The following NDNF variants were observed in gnomAD, a reference collection of about 807,000 sequenced individuals.
NDNF encodes the protein protein NDNF.
A neutral mutation model predicts 42.0 loss-of-function variants in NDNF; 16 were observed. That is an observed-to-expected ratio of 0.38 (90% CI 0.26 to 0.58). The LOEUF is 0.58. NDNF is among the 20% of genes least tolerant of loss of function. The probability of loss-of-function intolerance (pLI) is 0.67; values close to 1 mark genes in which losing one functional copy is unlikely to be tolerated. For synonymous variants in NDNF, 248 were observed against 251.7 expected, an observed-to-expected ratio of 0.99 and a Z score of 0.14; for missense variants, 616 against 666.2, an observed-to-expected ratio of 0.92 and a Z score of 0.83.
At chr4:121,044,076 G>C (rs1579311752) in intron 2 of NDNF, among the ~76,000 whole-genome samples, 1 of 152,152 alleles carries the variant, frequency 6.6e-6, no homozygotes, top group African/African-American at 2.4e-5. Context: ...TCAGTTACTA[G>C]TCTAGTGTGT....
At chr4:121,041,019 C>T (rs2148763901) in intron 2 of NDNF, among the ~76,000 whole-genome samples, 1 of 152,286 alleles carries the variant, frequency 6.6e-6, no homozygotes. Context: ...AGCACTGTGT[C>T]AGTCAGTAGA....
intron 1 of NDNF, among the ~76,000 whole-genome samples, chr4:121,052,713 A>G (rs1383522618): frequency 2.0e-5 from 3 of 152,222 alleles, no homozygotes; most frequent in African/African-American, 7.2e-5. Flanking sequence ...TGAATGTCCA[A>G]CATGTGCCAG....
At chr4:121,058,704 G>A (rs971156754) in intron 1 of NDNF, among the ~76,000 whole-genome samples, 2 of 151,906 alleles carry the variant, frequency 1.3e-5, no homozygotes, top group African/African-American at 4.8e-5. Flanking sequence ...CACTCTACTT[G>A]CTGCGTATTC....
At position 121,045,674 on chromosome 4, in the gene NDNF, T is replaced by G; in HGVS notation, c.164A>C (p.Tyr55Ser). ...VIPDGAEISS[Y>S]LFRDTPKRYF... ...CCTCTTAGGTGTATCTCTAAAGAGA[T>G]AACTGCTAATTTCAGCTCCATCTGG... The change falls in exon 2 of 4, where the codon TAT (tyrosine) becomes TCT (serine). Residue 55 changes from tyrosine to serine, a missense_variant. Coordinates refer to ENST00000379692, the MANE Select transcript of NDNF (RefSeq NM_024574.4). 1 of 1,614,154 alleles carries G rather than the reference T, an allele frequency of 6.2e-7. No homozygotes were observed.
At position 121,065,820 on chromosome 4, in the gene NDNF, T is replaced by C. The variant is rs74601310; in HGVS notation, c.-2+6173A>G. Among the ~76,000 whole-genome samples, 494 of 152,194 alleles carry C rather than the reference T, an allele frequency of 3.2e-3. 12 individuals carry two copies. In the East Asian group the frequency reaches 0.043, roughly 13 times the overall value. ...TGTTGTCTTAAGTGATCTGGCTTTATCTAGTTATTAAAATATCTTTGTAAA... is the reference window on the plus strand; with the variant it reads ...TGTTGTCTTAAGTGATCTGGCTTTACCTAGTTATTAAAATATCTTTGTAAA... On this transcript the variant is annotated intron_variant, in intron 1 of 3. Coordinates refer to ENST00000379692, the MANE Select transcript of NDNF (RefSeq NM_024574.4).
intron 2 of NDNF, among the ~76,000 whole-genome samples, chr4:121,043,117 G>A (rs768064458): frequency 1.3e-5 from 2 of 152,100 alleles, no homozygotes; most frequent in South Asian, 2.1e-4. Flanking sequence ...CAGAGATGAC[G>A]GGACATAATC....
At chr4:121,053,005 A>T (rs1157359355) in intron 1 of NDNF, among the ~76,000 whole-genome samples, 2 of 152,168 alleles carry the variant, frequency 1.3e-5, no homozygotes, top group African/African-American at 4.8e-5. Context: ...CTCTGCGATA[A>T]CATGCCAACT....
rs756725309 is a variant in NDNF at position 121,036,946 on chromosome 4, G to A, written c.1025C>T (p.Thr342Ile). The change falls in exon 4 of 4, where the codon ACA becomes ATA. Residue 342 changes from threonine (T) to isoleucine (I), a missense_variant. Transcript: ENST00000379692. ...TATCTTCCCATCTTTTAGCTCGACT[G>A]TCTTCTGTTTGGCTTCTTCCTTGGT... Reference protein sequence around the residue: ...ARTKEEAKQKTVELKDGKITD... With the variant: ...ARTKEEAKQKIVELKDGKITD... The A allele has an allele frequency of 5.6e-6, 9 of 1,613,930 alleles. No homozygotes were observed. In the South Asian group the frequency reaches 9.9e-5, roughly 18 times the overall value.
intron 1 of NDNF, among the ~76,000 whole-genome samples, chr4:121,049,657 A>T (rs563183777): frequency 3.7e-4 from 57 of 152,188 alleles, no homozygotes; most frequent in Non-Finnish European, 7.9e-4. Context: ...TCTATTTATT[A>T]AACTATTTTA....
At chr4:121,060,186 T>G (rs1237051742) in intron 1 of NDNF, among the ~76,000 whole-genome samples, 1 of 152,142 alleles carries the variant, frequency 6.6e-6, no homozygotes, top group Non-Finnish European at 1.5e-5. Flanking sequence ...AGTTTTTTTA[T>G]TTTTTTAGTT....
Position 121,036,779 on chromosome 4 carries a change from A to T in NDNF, c.1192T>A (p.Ser398Thr). Reference protein sequence around the residue: ...QVRRDGKLLLSQNVEGIQQFQ... With the variant: ...QVRRDGKLLLTQNVEGIQQFQ... ...TGCTGAATGCCTTCCACATTCTGAGACAGAAGAAGTTTCCCATCTCTTCTC... is the reference window on the plus strand; with the variant it reads ...TGCTGAATGCCTTCCACATTCTGAGTCAGAAGAAGTTTCCCATCTCTTCTC... Residue 398 changes from serine (S) to threonine (T), a missense_variant, in exon 4 of 4, where the codon TCT (serine) becomes ACT (threonine). By Grantham distance (58) the Ser-to-Thr change is moderately conservative. Coordinates refer to ENST00000379692, the MANE Select transcript of NDNF (RefSeq NM_024574.4). The T allele has an allele frequency of 1.9e-6, 3 of 1,614,148 alleles. No homozygotes were observed. Among genetic ancestry groups the T allele is most frequent in the Non-Finnish European group, 2.5e-6 (3 of 1,180,034 alleles).
chr4:121,042,512 T>C (rs1281934617), intron 2 of NDNF, among the ~76,000 whole-genome samples: 1 of 152,196 alleles, frequency 6.6e-6, no homozygotes, highest in Non-Finnish European at 1.5e-5. Context: ...ACAAAATAGA[T>C]GATTGAATTG....
At chr4:121,067,115 T>C (rs1727512128) in intron 1 of NDNF, among the ~76,000 whole-genome samples, 1 of 152,226 alleles carries the variant, frequency 6.6e-6, no homozygotes, top group South Asian at 2.1e-4. Context: ...CTCAAATGAG[T>C]TGATTCCCAA....
intron 1 of NDNF, among the ~76,000 whole-genome samples, chr4:121,057,379 A>G (rs1313053205): frequency 6.6e-6 from 1 of 152,174 alleles, no homozygotes; most frequent in Non-Finnish European, 1.5e-5. Context: ...AAAGACAAAC[A>G]CTGGTCTCCC....
At chr4:121,066,486 C>T (rs1316176914) in intron 1 of NDNF, among the ~76,000 whole-genome samples, 3 of 152,182 alleles carry the variant, frequency 2.0e-5, no homozygotes, top group African/African-American at 7.2e-5. Flanking sequence ...TGGTTTTTCT[C>T]TCTTAAATAT....
At chr4:121,063,594 A>T (rs1197791319) in intron 1 of NDNF, among the ~76,000 whole-genome samples, 1 of 152,198 alleles carries the variant, frequency 6.6e-6, no homozygotes, top group Non-Finnish European at 1.5e-5. Context: ...ATTTGACTTC[A>T]ACAGATGATT....
At chr4:121,054,217 T>C (rs1166804641) in intron 1 of NDNF, among the ~76,000 whole-genome samples, 3 of 152,216 alleles carry the variant, frequency 2.0e-5, no homozygotes, top group Admixed American at 6.5e-5. Flanking sequence ...CAAACTCAAC[T>C]GGGTAATGTG....
At chr4:121,047,237 A>G (rs1270979276) in intron 1 of NDNF, among the ~76,000 whole-genome samples, 1 of 152,190 alleles carries the variant, frequency 6.6e-6, no homozygotes, top group Non-Finnish European at 1.5e-5. Flanking sequence ...TGAGAGTTGG[A>G]TTTTTCACAA....
intron 3 of NDNF, chr4:121,038,989 A>G: frequency 6.7e-6 from 1 of 149,814 alleles, no homozygotes; most frequent in Admixed American, 6.7e-5. Context: ...TCCTGAAAAA[A>G]AAAAAAAAAA....
Sources: allele counts gnomAD v4.1 joint callset (sites outside exome capture counted in the v4.1 genomes callset), GRCh38; gene constraint gnomAD v4.1.1; transcripts MANE v1.5; gene names NCBI Gene and HGNC (gene_info 2026-07-23, HGNC 2026-07-21).